Variants in TTC7B observed in about 807,000 individuals in gnomAD.
TTC7B encodes tetratricopeptide repeat protein 7B.
In TTC7B, 28 loss-of-function variants were observed where a neutral mutation model predicts 106.8. The ratio of observed to expected loss-of-function variants is 0.26; its 90% CI spans 0.19 to 0.36. The LOEUF (loss-of-function observed/expected upper bound fraction) is 0.36. Among genes scored for constraint, TTC7B ranks in the 10% least tolerant of loss-of-function variants. The pLI is 1.00. For missense variants in TTC7B, 862 were observed against 1,076.4 expected (o/e 0.80, Z 2.79); for synonymous variants, 405 against 430.6 (o/e 0.94, Z 0.74).
At chr14:90,645,446 G>C (rs1885401097) in intron 14 of TTC7B, among the ~76,000 whole-genome samples, 1 of 152,166 alleles carries the variant, frequency 6.6e-6, no homozygotes, top group Admixed American at 6.5e-5. Context: ...TTGAGTGTCT[G>C]ACAAGAGAGT....
intron 18 of TTC7B, among the ~76,000 whole-genome samples, chr14:90,583,725 G>A (rs930448158): frequency 2.6e-5 from 4 of 152,122 alleles, no homozygotes; most frequent in African/African-American, 9.7e-5. Context: ...GGCAAGGGGC[G>A]TGGATACTTC....
At chr14:90,727,843 G>A (rs1566858542) in intron 5 of TTC7B, among the ~76,000 whole-genome samples, 1 of 152,208 alleles carries the variant, frequency 6.6e-6, no homozygotes, top group Non-Finnish European at 1.5e-5. Context: ...AACTGCAGAA[G>A]AGCAAAAGGA....
rs1888649466 is a variant in TTC7B, at chr14:90,716,179, G to A, written c.698+13896C>T. ...AGAAGGAGGGTGGGGGTCAGTGGGT[G>A]GAAAATCACTAAGAGGAAACATGAG... is the stretch of plus-strand genomic sequence containing the variant. On this transcript the variant is annotated intron_variant, in intron 5 of 19. Transcript: ENST00000328459. Among the ~76,000 whole-genome samples the A allele has an allele frequency of 2.0e-5, 3 of 152,234 alleles. No individual in the cohort carries two copies. In the South Asian group the frequency reaches 6.2e-4, roughly 32 times the overall value.
chr14:90,730,520 G>A (rs549704226), intron 4 of TTC7B, among the ~76,000 whole-genome samples: 7 of 152,334 alleles, frequency 4.6e-5, no homozygotes, highest in African/African-American at 1.7e-4. Flanking sequence ...TGACAGGAAG[G>A]CTGGGGACAC....
chr14:90,788,371 C>T (rs145526201), intron 1 of TTC7B, among the ~76,000 whole-genome samples: 6 of 152,240 alleles, frequency 3.9e-5, no homozygotes, highest in African/African-American at 1.2e-4. Flanking sequence ...TAAAGAAACC[C>T]AGGACTCAGG....
intron 11 of TTC7B, among the ~76,000 whole-genome samples, chr14:90,655,332 T>TA (rs1318018655): frequency 2.0e-5 from 3 of 152,232 alleles, no homozygotes; most frequent in Non-Finnish European, 4.4e-5. Context: ...TCTTACTGCT[T>TA]ATTTGCCTTC....
intron 5 of TTC7B, among the ~76,000 whole-genome samples, chr14:90,703,360 G>A (rs540192567): frequency 6.6e-4 from 100 of 152,224 alleles, no homozygotes; most frequent in Non-Finnish European, 1.2e-3. Context: ...CCATCCCCTC[G>A]ACTGGGCTAT....
intron 3 of TTC7B, chr14:90,766,743 G>T: frequency 6.4e-7 from 1 of 1,560,974 alleles, no homozygotes; most frequent in South Asian, 1.1e-5. Context: ...TCACCATTAT[G>T]CAGAATCCAT....
At chr14:90,568,599 G>A (rs1354759619) in intron 19 of TTC7B, among the ~76,000 whole-genome samples, 1 of 152,202 alleles carries the variant, frequency 6.6e-6, no homozygotes, top group East Asian at 1.9e-4. Context: ...TGAAGCTTCT[G>A]GGTCTGTGGC....
chr14:90,697,684 A>G (rs1887811849), intron 5 of TTC7B: 2 of 152,196 alleles, frequency 1.3e-5, no homozygotes, highest in South Asian at 4.1e-4. Flanking sequence ...TGGGCTGCCG[A>G]AAGAGATCAA....
At chr14:90,660,763 A>T (rs979305636) in intron 9 of TTC7B, among the ~76,000 whole-genome samples, 2 of 152,252 alleles carry the variant, frequency 1.3e-5, no homozygotes, top group Admixed American at 6.5e-5. Flanking sequence ...ATATATACAG[A>T]GGTCACACAG....
At chr14:90,800,335 G>A (rs2030179560) in intron 1 of TTC7B, among the ~76,000 whole-genome samples, 1 of 152,150 alleles carries the variant, frequency 6.6e-6, no homozygotes, top group South Asian at 2.1e-4. Flanking sequence ...AGATTAAACT[G>A]GAGGTGTGGC....
At chr14:90,767,512 A>T (rs746363225) in intron 3 of TTC7B, among the ~76,000 whole-genome samples, 3 of 152,182 alleles carry the variant, frequency 2.0e-5, no homozygotes, top group African/African-American at 7.2e-5. Flanking sequence ...ATTATAAGAG[A>T]GGAAGTCCAG....
intron 1 of TTC7B, among the ~76,000 whole-genome samples, chr14:90,815,952 C>G (rs1213888456): frequency 2.0e-5 from 3 of 151,730 alleles, no homozygotes; most frequent in Non-Finnish European, 2.9e-5. Flanking sequence ...GAACCCCAGG[C>G]GCCGGGACAG....
At chr14:90,605,092 G>A (rs1430728897) in intron 17 of TTC7B, among the ~76,000 whole-genome samples, 1 of 152,178 alleles carries the variant, frequency 6.6e-6, no homozygotes, top group Non-Finnish European at 1.5e-5. Context: ...GTGGGGACCA[G>A]GGGATCCGCT....
At chr14:90,563,088 A>C (rs1488004861) in intron 19 of TTC7B, among the ~76,000 whole-genome samples, 1 of 152,250 alleles carries the variant, frequency 6.6e-6, no homozygotes, top group Admixed American at 6.5e-5. Context: ...GGATAGAGTC[A>C]TGTTAACATC....
chr14:90,728,068 C>G (rs895943075), intron 5 of TTC7B, among the ~76,000 whole-genome samples: 2 of 152,200 alleles, frequency 1.3e-5, no homozygotes, highest in Non-Finnish European at 2.9e-5. Context: ...GGTTTTTCTC[C>G]TTGGGGTATA....
intron 3 of TTC7B, among the ~76,000 whole-genome samples, chr14:90,761,579 G>A (rs11159973): frequency 0.27 from 41,578 of 152,198 alleles, 9,314 homozygotes; most frequent in African/African-American, 0.62. Context: ...ATGTGGCACA[G>A]CTAGCCTCAT....
At chr14:90,555,924 C>T (rs1890280349) in intron 19 of TTC7B, among the ~76,000 whole-genome samples, 1 of 152,234 alleles carries the variant, frequency 6.6e-6, no homozygotes, top group African/African-American at 2.4e-5. Context: ...CACCGGGGAC[C>T]CGTCAGGGGA....
Sources: allele counts gnomAD v4.1 joint callset (sites outside exome capture counted in the v4.1 genomes callset), GRCh38; gene constraint gnomAD v4.1.1; transcripts MANE v1.5; gene names NCBI Gene and HGNC (gene_info 2026-07-23, HGNC 2026-07-21).